LIMCH1: variants seen among roughly 807,000 people sequenced by gnomAD.
LIMCH1 encodes LIM and calponin homology domains-containing protein 1.
In LIMCH1, 113 loss-of-function variants were observed where a neutral mutation model predicts 176.5. That is an observed-to-expected ratio of 0.64 (90% CI 0.55 to 0.75). The LOEUF is 0.75. Among genes scored for constraint, LIMCH1 ranks in the 30% least tolerant of loss-of-function variants. The pLI is 0.00. For missense variants in LIMCH1, 1,674 were observed against 1,814.9 expected (o/e 0.92, Z 1.41); for synonymous variants, 619 against 645.9 (o/e 0.96, Z 0.63).
intron 1 of LIMCH1, among the ~76,000 whole-genome samples, chr4:41,402,772 A>G (rs1034765299): frequency 6.9e-6 from 1 of 145,944 alleles, no homozygotes; most frequent in Non-Finnish European, 1.5e-5. Context: ...TGAGAATTGA[A>G]CAATGAGAAC....
chr4:41,638,441 CACTCTTTGATGTTATTTGTGCAAA>C (rs1483094819), intron 13 of LIMCH1, among the ~76,000 whole-genome samples: 2 of 152,160 alleles, frequency 1.3e-5, no homozygotes, highest in African/African-American at 4.8e-5. Flanking sequence ...ACTGCAGAAA[CACTCTTTGATGTTATTTGTGCAAA>C]TGCATTAACA....
intron 2 of LIMCH1, among the ~76,000 whole-genome samples, chr4:41,515,350 C>G (rs2075447252): frequency 6.6e-6 from 1 of 152,210 alleles, no homozygotes; most frequent in African/African-American, 2.4e-5. Context: ...CTATGGAGGC[C>G]TGTCCTTCAG....
Position 41,520,226 on chromosome 4 carries a change from G to A in LIMCH1, c.168-4183G>A, listed in dbSNP as rs975263881. On this transcript the variant is annotated intron_variant, in intron 2 of 26. Transcript: ENST00000313860. ...ATTTTGCTTACACCTTGGCCATCTT[G>A]TCCCAGACCTCTTCCTTCTACTCAC... is the stretch of plus-strand genomic sequence containing the variant. 1.7e-4 allele frequency among the ~76,000 whole-genome samples: 26 copies of A among 152,094 alleles called. 1 individual carries two copies. The highest frequency in any genetic ancestry group is 2.6e-4 in the Non-Finnish European group (18 of 68,004).
intron 1 of LIMCH1, among the ~76,000 whole-genome samples, chr4:41,559,077 G>A (rs1366035042): frequency 6.6e-6 from 1 of 152,146 alleles, no homozygotes; most frequent in African/African-American, 2.4e-5. Context: ...AGATTAATTT[G>A]GCAGGATAGA....
chr4:41,533,756 A>G (rs1395326290), upstream of LIMCH1, among the ~76,000 whole-genome samples: 4 of 152,178 alleles, frequency 2.6e-5, no homozygotes, highest in Non-Finnish European at 5.9e-5. Flanking sequence ...GTGATTAAGA[A>G]CTTTGGAAGG....
chr4:41,465,783 A>G (rs753543201), intron 1 of LIMCH1, among the ~76,000 whole-genome samples: 42 of 152,288 alleles, frequency 2.8e-4, no homozygotes, highest in Middle Eastern at 3.4e-3. Context: ...CCTATAGAAT[A>G]GATGTAAGCC....
intron 1 of LIMCH1, among the ~76,000 whole-genome samples, chr4:41,387,295 A>G (rs1431450565): frequency 2.0e-5 from 3 of 152,224 alleles, no homozygotes; most frequent in African/African-American, 7.2e-5. Flanking sequence ...ATCTACTTAC[A>G]TGAACATTTT....
chr4:41,606,459 G>A (rs1049345778), intron 4 of LIMCH1, among the ~76,000 whole-genome samples: 6 of 152,146 alleles, frequency 3.9e-5, no homozygotes, highest in Non-Finnish European at 4.4e-5. Flanking sequence ...CTTGGCATAC[G>A]CTCTGGACAA....
chr4:41,571,572 C>T (rs2083564930), intron 1 of LIMCH1, among the ~76,000 whole-genome samples: 1 of 152,038 alleles, frequency 6.6e-6, no homozygotes, highest in South Asian at 2.1e-4. Flanking sequence ...GAGGACTCAG[C>T]TGAATTTGGA....
upstream of LIMCH1, among the ~76,000 whole-genome samples, chr4:41,535,892 T>C (rs1041392212): frequency 2.6e-5 from 4 of 152,258 alleles, no homozygotes; most frequent in East Asian, 5.8e-4. Context: ...CATTTTTTTT[T>C]CCCTTTCCTG....
intron 1 of LIMCH1, among the ~76,000 whole-genome samples, chr4:41,381,617 A>G (rs920115602): frequency 7.2e-5 from 11 of 152,072 alleles, no homozygotes; most frequent in African/African-American, 2.7e-4. Context: ...TGGCCAGTAG[A>G]ATGCAGCAGA....
intron 3 of LIMCH1, 70 bp from the exon 4 acceptor site, chr4:41,605,824 C>T: frequency 1.1e-6 from 1 of 893,904 alleles, no homozygotes; most frequent in Non-Finnish European, 1.8e-6. Flanking sequence ...GTTAGTGGTA[C>T]ATTATTGACT....
At chr4:41,387,297 G>A (rs980116209) in intron 1 of LIMCH1, among the ~76,000 whole-genome samples, 1 of 152,116 alleles carries the variant, frequency 6.6e-6, no homozygotes, top group African/African-American at 2.4e-5. Flanking sequence ...CTACTTACAT[G>A]AACATTTTCT....
At chr4:41,489,628 C>T (rs2070370473) in intron 1 of LIMCH1, among the ~76,000 whole-genome samples, 1 of 151,708 alleles carries the variant, frequency 6.6e-6, no homozygotes, top group Admixed American at 6.6e-5. Context: ...AATTTAATTC[C>T]ATTGCAATCA....
At chr4:41,637,002 A>T (rs1044502400) in intron 13 of LIMCH1, among the ~76,000 whole-genome samples, 1 of 152,238 alleles carries the variant, frequency 6.6e-6, no homozygotes, top group Non-Finnish European at 1.5e-5. Context: ...AAACACAAAA[A>T]CACATAGCAA....
chr4:41,388,922 C>T (rs893330658), intron 1 of LIMCH1, among the ~76,000 whole-genome samples: 16 of 152,184 alleles, frequency 1.1e-4, no homozygotes, highest in African/African-American at 3.4e-4. Flanking sequence ...GGATTACAGG[C>T]GTGAGCCACT....
chr4:41,662,403 A>G (rs566564576), intron 19 of LIMCH1, among the ~76,000 whole-genome samples: 1 of 152,344 alleles, frequency 6.6e-6, no homozygotes, highest in Admixed American at 6.5e-5. Context: ...TGATGTTAAA[A>G]TGGAGCATTG....
At chr4:41,384,499 C>T (rs552366097) in intron 1 of LIMCH1, among the ~76,000 whole-genome samples, 6 of 152,256 alleles carry the variant, frequency 3.9e-5, no homozygotes, top group East Asian at 1.9e-4. Context: ...TGAGCCACCG[C>T]GCCCGGCCTA....
intron 1 of LIMCH1, among the ~76,000 whole-genome samples, chr4:41,374,072 T>C (rs2054367674): frequency 6.6e-6 from 1 of 152,170 alleles, no homozygotes; most frequent in African/African-American, 2.4e-5. Flanking sequence ...ACCTTTTTTC[T>C]TTATAAATTA....
Sources: allele counts gnomAD v4.1 joint callset (sites outside exome capture counted in the v4.1 genomes callset), GRCh38; gene constraint gnomAD v4.1.1; transcripts MANE v1.5; gene names NCBI Gene and HGNC (gene_info 2026-07-23, HGNC 2026-07-21).